Variants in LINGO2 observed in about 807,000 individuals in gnomAD.
LINGO2 encodes the protein leucine rich repeat and Ig domain containing 2.
Under a neutral mutation model 30.6 loss-of-function variants are expected in LINGO2, and 14 were observed. The observed-to-expected ratio is 0.46, with a 90% CI of 0.30 to 0.72. The LOEUF is 0.72. Among genes scored for constraint, LINGO2 ranks in the 30% least tolerant of loss-of-function variants. The pLI is 0.07. For synonymous variants in LINGO2, 317 were observed against 288.5 expected (o/e 1.10, Z -1.00); for missense variants, 729 against 751.7 (o/e 0.97, Z 0.35).
intron 3 of LINGO2, among the ~76,000 whole-genome samples, chr9:28,297,788 T>C (rs1823979181): frequency 1.3e-5 from 2 of 152,206 alleles, no homozygotes; most frequent in African/African-American, 4.8e-5. Context: ...CAATTAGGTT[T>C]TGATAGTACA....
chr9:28,482,110 A>G (rs1825996173), intron 1 of LINGO2, among the ~76,000 whole-genome samples: 1 of 152,102 alleles, frequency 6.6e-6, no homozygotes, highest in Non-Finnish European at 1.5e-5. Context: ...TTATAGCAGC[A>G]TGATTTATAG....
chr9:29,059,935 GCAGGGTAAGCC>G, the LINGO2 span, among the ~76,000 whole-genome samples: 1 of 151,978 alleles, frequency 6.6e-6, no homozygotes. Context: ...CAGCTGAATG[GCAGGGTAAGCC>G]CACTACAGAT....
At chr9:28,057,658 C>T (rs1001479418) in intron 4 of LINGO2, among the ~76,000 whole-genome samples, 14 of 99,408 alleles carry the variant, frequency 1.4e-4, no homozygotes, top group Admixed American at 4.9e-4. Context: ...CAAGTAAATA[C>T]GAAACCTCTC....
At chr9:28,405,859 T>C (rs10968566) in intron 2 of LINGO2, among the ~76,000 whole-genome samples, 7 of 152,164 alleles carry the variant, frequency 4.6e-5, no homozygotes, top group Non-Finnish European at 1.0e-4. Context: ...TTCCTTTTTA[T>C]TTTTTATTTC....
intron 1 of LINGO2, among the ~76,000 whole-genome samples, chr9:28,630,250 A>C (rs1233997904): frequency 6.6e-6 from 1 of 152,076 alleles, no homozygotes; most frequent in Admixed American, 6.6e-5. Context: ...GAAAAAAAAA[A>C]GTTTCAGTAT....
the LINGO2 span, among the ~76,000 whole-genome samples, chr9:28,864,552 TATCA>T: frequency 7.2e-5 from 11 of 152,150 alleles, no homozygotes; most frequent in African/African-American, 2.7e-4. Context: ...GTAAGCATAA[TATCA>T]ATCAAGTAAT....
chr9:28,988,626 C>A, the LINGO2 span, among the ~76,000 whole-genome samples: 3 of 152,178 alleles, frequency 2.0e-5, no homozygotes, highest in African/African-American at 7.2e-5. Context: ...TCTAGCCATA[C>A]AGTTACCCAC....
intron 4 of LINGO2, among the ~76,000 whole-genome samples, chr9:28,107,372 C>A (rs987431675): frequency 1.3e-5 from 2 of 151,982 alleles, no homozygotes; most frequent in Non-Finnish European, 2.9e-5. Flanking sequence ...TTTGGTATTG[C>A]CATTTGAAAT....
chr9:27,949,131 G>A (rs753946666), exon 6 of LINGO2: 1 of 1,614,122 alleles, frequency 6.2e-7, no homozygotes. Context: ...GTACATAGGG[G>A]TCCTGTTCGC....
At chr9:28,481,300 A>C (rs1825954035) in intron 1 of LINGO2, among the ~76,000 whole-genome samples, 1 of 152,160 alleles carries the variant, frequency 6.6e-6, no homozygotes, top group South Asian at 2.1e-4. Context: ...CAATTGAAAC[A>C]TGGAGATGTT....
At chr9:29,089,623 T>C in the LINGO2 span, among the ~76,000 whole-genome samples, 4 of 152,100 alleles carry the variant, frequency 2.6e-5, no homozygotes, top group Admixed American at 2.6e-4. Flanking sequence ...GGCTTAATGA[T>C]CATTTTGATC....
At chr9:28,869,194 T>A in the LINGO2 span, among the ~76,000 whole-genome samples, 1 of 152,098 alleles carries the variant, frequency 6.6e-6, no homozygotes. Context: ...GGCTAGACAT[T>A]GAAGAATCAA....
intron 2 of LINGO2, among the ~76,000 whole-genome samples, chr9:28,469,599 C>A (rs563332150): frequency 6.6e-6 from 1 of 152,010 alleles, no homozygotes; most frequent in African/African-American, 2.4e-5. Flanking sequence ...TACAAGGGAT[C>A]CTTGATAAAC....
chr9:29,047,195 T>TAA, the LINGO2 span, among the ~76,000 whole-genome samples: 4 of 151,862 alleles, frequency 2.6e-5, no homozygotes, highest in Non-Finnish European at 4.4e-5. Context: ...ATAAGGTACT[T>TAA]AAACAAATTT....
the LINGO2 span, among the ~76,000 whole-genome samples, chr9:28,877,432 G>A: frequency 1.4e-3 from 214 of 152,168 alleles, no homozygotes; most frequent in Non-Finnish European, 2.5e-3. Context: ...TTTTGTATAA[G>A]GTGTCAGGAA....
At chr9:28,186,903 C>T (rs546152082) in intron 4 of LINGO2, among the ~76,000 whole-genome samples, 30 of 152,096 alleles carry the variant, frequency 2.0e-4, no homozygotes, top group African/African-American at 5.8e-4. Flanking sequence ...TCACAGGGCA[C>T]GGGGATTTAC....
intron 4 of LINGO2, among the ~76,000 whole-genome samples, chr9:28,023,601 G>A (rs1043175990): frequency 8.5e-5 from 13 of 152,182 alleles, no homozygotes; most frequent in African/African-American, 2.9e-4. Context: ...CCGCAGCCCA[G>A]TTGAAACAGG....
the LINGO2 span, among the ~76,000 whole-genome samples, chr9:29,193,212 T>C: frequency 6.6e-6 from 1 of 152,186 alleles, no homozygotes; most frequent in Non-Finnish European, 1.5e-5. Flanking sequence ...ACTGCCTTTG[T>C]TTAGGACCAA....
intron 2 of LINGO2, among the ~76,000 whole-genome samples, chr9:28,449,553 C>A (rs1192452437): frequency 1.3e-5 from 2 of 152,030 alleles, no homozygotes; most frequent in Non-Finnish European, 2.9e-5. Flanking sequence ...AATACTACCT[C>A]AATACCCAAC....
Sources: gnomAD v4.1 joint callset for allele counts (sites outside exome capture counted in the v4.1 genomes callset) on GRCh38, gnomAD v4.1.1 for gene constraint, MANE v1.5 for transcripts, NCBI Gene and HGNC (gene_info 2026-07-23, HGNC 2026-07-21) for gene names.